The following CABLES2 variants were observed in gnomAD, a reference collection of about 807,000 sequenced individuals.
The protein encoded by CABLES2 is Cdk5 and Abl enzyme substrate 2.
Under a neutral mutation model 44.8 loss-of-function variants are expected in CABLES2, and 35 were observed. The ratio of observed to expected loss-of-function variants is 0.78; its 90% CI spans 0.60 to 1.04. CABLES2 has a LOEUF of 1.04. CABLES2 is among the 50% of genes least tolerant of loss of function. CABLES2 has a pLI of 0.00. For missense variants in CABLES2, 566 were observed against 615.7 expected, an observed-to-expected ratio of 0.92 and a Z score of 0.85; for synonymous variants, 282 against 281.1, an observed-to-expected ratio of 1.00 and a Z score of -0.03.
In CABLES2 at chr20:62,389,571, A is replaced by G. The variant is rs2146415757; in HGVS notation, c.*1400T>C. On this transcript the variant is annotated 3_prime_UTR_variant, in exon 10 of 10. Transcript: ENST00000279101. ...AGTCTGCACAGAAAGCATAGGATGT[A>G]TTGTATTAATGGGCTAGAGACAAAG... is the stretch of plus-strand genomic sequence containing the variant. 1 of 152,314 alleles carries G rather than the reference A, an allele frequency of 6.6e-6. No homozygotes were observed. Among genetic ancestry groups the G allele is most frequent in the African/African-American group, 2.4e-5 (1 of 41,540 alleles). The allele number at this position is 152,314 out of a possible 1,614,324, so 9.4% of individuals were successfully genotyped here.
At chr20:62,397,412 C>G (rs1988039832) in intron 1 of CABLES2, among the ~76,000 whole-genome samples, 1 of 152,214 alleles carries the variant, frequency 6.6e-6, no homozygotes, top group Non-Finnish European at 1.5e-5. Flanking sequence ...GCCTGGACTT[C>G]AGGAGTCTCC....
At chr20:62,395,534 C>CCGGGCCCAGAGAGCACAGG (rs1231678371) in intron 3 of CABLES2, among the ~76,000 whole-genome samples, 1 of 152,244 alleles carries the variant, frequency 6.6e-6, no homozygotes, top group Admixed American at 6.5e-5. Flanking sequence ...CAGCCGGGCC[C>CCGGGCCCAGAGAGCACAGG]CGGGCCCAGA....
At chr20:62,399,587 C>T (rs1988150881) in intron 1 of CABLES2, among the ~76,000 whole-genome samples, 1 of 127,156 alleles carries the variant, frequency 7.9e-6, no homozygotes, top group African/African-American at 2.9e-5. Context: ...ATGATGGGGT[C>T]AGGTCCTTTT....
intron 5 of CABLES2, 145 bp downstream of exon 5, chr20:62,394,012 C>T (rs371809162): frequency 8.7e-6 from 6 of 691,602 alleles, no homozygotes; most frequent in East Asian, 5.3e-5. Context: ...CAGGGCTGCA[C>T]GGGCCCGCAT....
chr20:62,398,058 A>ATGGTGGTGGTGACGG (rs1988077571), intron 1 of CABLES2, among the ~76,000 whole-genome samples: 1 of 77,280 alleles, frequency 1.3e-5, no homozygotes, highest in East Asian at 3.7e-4. Context: ...GGTGATGGCG[A>ATGGTGGTGGTGACGG]TGGTGGTGGT....
chr20:62,395,794 C>T (rs769148251), intron 3 of CABLES2, among the ~76,000 whole-genome samples: 1 of 152,220 alleles, frequency 6.6e-6, no homozygotes, highest in African/African-American at 2.4e-5. Context: ...GAAGGGAGCA[C>T]TCTGGACCTC....
chr20:62,406,268 A>G (rs1020357183), intron 1 of CABLES2, among the ~76,000 whole-genome samples: 2 of 152,032 alleles, frequency 1.3e-5, no homozygotes, highest in Non-Finnish European at 2.9e-5. Flanking sequence ...CCCGGCCCAC[A>G]TGCTGGGTCT....
chr20:62,398,192 GAT>G (rs1988107638), intron 1 of CABLES2, among the ~76,000 whole-genome samples: 1 of 123,834 alleles, frequency 8.1e-6, no homozygotes, highest in Non-Finnish European at 1.8e-5. Context: ...TGGTGATGGT[GAT>G]GATGGTGGTG....
intron 1 of CABLES2, among the ~76,000 whole-genome samples, chr20:62,398,088 A>ATGGTGGTGATGGTGGTGG (rs1569017555): frequency 1.9e-5 from 1 of 52,162 alleles, no homozygotes; most frequent in South Asian, 8.8e-4. Context: ...GGTGGTGGTG[A>ATGGTGGTGATGGTGGTGG]CGGTGGTGGT....
chr20:62,401,708 C>G lies in CABLES2; in HGVS notation c.363-5116G>C, dbSNP rs943574631. 2.0e-5 allele frequency among the ~76,000 whole-genome samples: 3 copies of G among 152,314 alleles called. No individual in the cohort carries two copies. The South Asian group carries it at 6.2e-4, about 32-fold the overall frequency. On this transcript the variant is annotated intron_variant, in intron 1 of 9. Coordinates refer to ENST00000279101, the MANE Select transcript of CABLES2 (RefSeq NM_031215.3). ...CAGACGCCACACGGGTTGAGAGGCT[C>G]GTCATGTGGTGACACAGGTCCCCTC...
Position 62,407,045 on chromosome 20 carries a change from C to T in CABLES2, c.232G>A (p.Ala78Thr). ...GEKPPPPPAE[A>T]REPPAPPPPE... is the part of the protein sequence containing the mutation. ...GGCGGCGGCGCTGGCGGTTCGCGGGCCTCGGCGGGCGGCGGCGGGGGCTTC... is the reference window on the plus strand; with the variant it reads ...GGCGGCGGCGCTGGCGGTTCGCGGGTCTCGGCGGGCGGCGGCGGGGGCTTC... Residue 78 changes from alanine to threonine, a missense_variant, in exon 1 of 10, where the codon GCC (alanine) becomes ACC (threonine). Coordinates refer to ENST00000279101, the MANE Select transcript of CABLES2 (RefSeq NM_031215.3). 2 of 1,110,074 alleles carry T rather than the reference C, an allele frequency of 1.8e-6. No homozygotes were observed. Among genetic ancestry groups the T allele is most frequent in the Non-Finnish European group, 1.1e-6 (1 of 910,570 alleles). The allele number at this position is 1,110,074 out of a possible 1,614,324, so 68.8% of individuals were successfully genotyped here.
rs1987848129 is a variant in CABLES2 at position 62,388,778 on chromosome 20, G to A, written c.*2193C>T. 1 of 451,658 alleles carries A rather than the reference G, an allele frequency of 2.2e-6. No homozygotes were observed. Among genetic ancestry groups the A allele is most frequent in the Non-Finnish European group, 4.0e-6 (1 of 249,818 alleles). The allele number at this position is 451,658 out of a possible 1,614,324, so 28.0% of individuals were successfully genotyped here. On this transcript the variant is annotated 3_prime_UTR_variant, in exon 10 of 10. Coordinates refer to ENST00000279101, the MANE Select transcript of CABLES2 (RefSeq NM_031215.3). The stretch of plus-strand genomic sequence containing the variant: ...GCTACCGGTGCGGAAGCAACGCCAG[G>A]CCTGGTTCTGTATAGTCACAGCCGA...
chr20:62,398,858 C>T (rs775217721), intron 1 of CABLES2, among the ~76,000 whole-genome samples: 9 of 152,372 alleles, frequency 5.9e-5, no homozygotes, highest in East Asian at 3.9e-4. Context: ...TCAAGTGGTA[C>T]GGAGAGGCCT....
chr20:62,394,819 C>T (rs978363738), intron 4 of CABLES2, 118 bp downstream of exon 4: 2 of 872,622 alleles, frequency 2.3e-6, no homozygotes, highest in South Asian at 1.7e-5. Context: ...CGCATGAGCC[C>T]GGGGGCAGCC....
intron 1 of CABLES2, among the ~76,000 whole-genome samples, chr20:62,398,983 G>C (rs1182066899): frequency 2.0e-5 from 3 of 152,202 alleles, no homozygotes; most frequent in Admixed American, 6.5e-5. Flanking sequence ...GTCTCTCTCT[G>C]TCACCCAGGC....
rs146178781 is a variant in CABLES2 at position 62,399,836 on chromosome 20, C to T, written c.363-3244G>A. On this transcript the variant is annotated intron_variant, in intron 1 of 9. Transcript: ENST00000279101. ...CTCGAACTCCTGATCTCAAATGATC[C>T]GCTGGCCTCGGCCTCCCAAAGTGTC... Among the ~76,000 whole-genome samples the T allele has an allele frequency of 4.3e-4, 66 of 152,036 alleles. No homozygotes were observed. In the East Asian group the frequency reaches 0.012, roughly 27 times the overall value.
chr20:62,391,139 A>G lies in CABLES2; in HGVS notation c.1297-28T>C, dbSNP rs1207677465. ...GCAGGGGAGAAGAGAGAAGGGTTAC[A>G]CGGGAGCCTTCCCTCTTCCACATTT... On this transcript the variant is annotated intron_variant, in intron 9 of 9. Coordinates refer to ENST00000279101, the MANE Select transcript of CABLES2 (RefSeq NM_031215.3). The surrounding 1 kb of genome is among the most constrained non-coding windows in gnomAD (Gnocchi z 5.7). The G allele has an allele frequency of 1.2e-6, 2 of 1,610,822 alleles. No individual in the cohort carries two copies.
rs1322951663 is a variant in CABLES2, at chr20:62,392,942, A to G, written c.962T>C (p.Val321Ala). Residue 321 changes from valine (V) to alanine (A), a missense_variant, in exon 7 of 10, where the codon GTC (valine) becomes GCC (alanine). Transcript: ENST00000279101. ...CACCATGTACGACGCAAAGATGAGG[A>G]CACGTTTGTGCTTGCCGCAGGGCCA... ...PQWPCGKHKR[V>A]LIFASYMTTV... 1.2e-6 allele frequency: 2 copies of G among 1,614,018 alleles called. No homozygotes were observed. Among genetic ancestry groups the G allele is most frequent in the Admixed American group, 1.7e-5 (1 of 60,036 alleles).
Position 62,388,686 on chromosome 20 carries a change from T to G in CABLES2, c.*2285A>C. On this transcript the variant is annotated 3_prime_UTR_variant, in exon 10 of 10. Coordinates refer to ENST00000279101, the MANE Select transcript of CABLES2 (RefSeq NM_031215.3). ...TACATTATCCATTTAAAAACAGATA[T>G]CTAAGACAAAATAACTCAAACATTC... The G allele has an allele frequency of 1.7e-6, 1 of 591,878 alleles. No individual in the cohort carries two copies. Among genetic ancestry groups the G allele is most frequent in the Non-Finnish European group, 3.0e-6 (1 of 335,540 alleles). The allele number at this position is 591,878 out of a possible 1,614,324, so 36.7% of individuals were successfully genotyped here.
Sources: gnomAD v4.1 joint callset for allele counts (sites outside exome capture counted in the v4.1 genomes callset) on GRCh38, gnomAD v4.1.1 for gene constraint, Gnocchi (gnomAD v3.1) non-coding constraint, MANE v1.5 for transcripts, NCBI Gene and HGNC (gene_info 2026-07-23, HGNC 2026-07-21) for gene names.